SLCO4C1: variants seen among roughly 807,000 people sequenced by gnomAD.
SLCO4C1 encodes the protein organic anion transporter M1.
Under a neutral mutation model 72.1 loss-of-function variants are expected in SLCO4C1, and 58 were observed. That is an observed-to-expected ratio of 0.80 (90% CI 0.65 to 1.00). The LOEUF (loss-of-function observed/expected upper bound fraction) is 1.00, where lower values mean the gene tolerates loss of function less well. Ranked by LOEUF, SLCO4C1 falls within the 50% of genes least tolerant of loss-of-function variation. SLCO4C1 has a pLI of 0.00. For synonymous variants in SLCO4C1, 297 were observed against 312.5 expected, an observed-to-expected ratio of 0.95 and a Z score of 0.52; for missense variants, 898 against 857.9, an observed-to-expected ratio of 1.05 and a Z score of -0.58.
chr5:102,283,152 G>A (rs1442390536), intron 2 of SLCO4C1, among the ~76,000 whole-genome samples: 1 of 151,368 alleles, frequency 6.6e-6, no homozygotes, highest in Non-Finnish European at 1.5e-5. Flanking sequence ...AAAAGTGTTT[G>A]GTCAGACTTT....
At chr5:102,248,127 A>G (rs1443689646) in intron 9 of SLCO4C1, among the ~76,000 whole-genome samples, 1 of 151,524 alleles carries the variant, frequency 6.6e-6, no homozygotes, top group Admixed American at 6.6e-5. Context: ...AAACTTTACC[A>G]CTCTCATTTG....
intron 5 of SLCO4C1, 49 bp downstream of exon 5, chr5:102,261,863 G>A (rs1308997912): frequency 1.9e-6 from 3 of 1,545,794 alleles, no homozygotes; most frequent in South Asian, 1.3e-5. Flanking sequence ...AATAGCAACT[G>A]GCCTACAATT....
At chr5:102,262,429 G>C (rs1421568952) in intron 4 of SLCO4C1, among the ~76,000 whole-genome samples, 6 of 152,070 alleles carry the variant, frequency 3.9e-5, no homozygotes, top group Non-Finnish European at 7.4e-5. Context: ...GCTTCAATTA[G>C]AGCATTTCTT....
intron 10 of SLCO4C1, among the ~76,000 whole-genome samples, chr5:102,242,986 G>A (rs1434461070): frequency 6.6e-6 from 1 of 152,150 alleles, no homozygotes; most frequent in Non-Finnish European, 1.5e-5. Flanking sequence ...TGAAGGGTGA[G>A]TCCCAGCCCA....
chr5:102,270,431 C>T (rs1413400218), intron 3 of SLCO4C1, among the ~76,000 whole-genome samples, 193 bp downstream of exon 3: 1 of 151,982 alleles, frequency 6.6e-6, no homozygotes, highest in Non-Finnish European at 1.5e-5. Flanking sequence ...AGAGGATCAA[C>T]AAAAATCATT....
chr5:102,278,802 A>C (rs1749296150), intron 2 of SLCO4C1, among the ~76,000 whole-genome samples: 1 of 152,058 alleles, frequency 6.6e-6, no homozygotes, highest in Non-Finnish European at 1.5e-5. Context: ...TTAAGTAAAA[A>C]TGAAAACACA....
At chr5:102,252,307 T>C (rs1748754321) in intron 8 of SLCO4C1, among the ~76,000 whole-genome samples, 1 of 151,934 alleles carries the variant, frequency 6.6e-6, no homozygotes, top group Non-Finnish European at 1.5e-5. Context: ...AACAAGAAAG[T>C]CATGAAGAAA....
chr5:102,243,630 T>C (rs757227729), intron 10 of SLCO4C1, among the ~76,000 whole-genome samples: 3 of 152,132 alleles, frequency 2.0e-5, no homozygotes, highest in Non-Finnish European at 2.9e-5. Context: ...TGGCTACAAA[T>C]AAACCCAGAC....
Position 102,234,792 on chromosome 5 carries a change from G to A in SLCO4C1, c.*2066C>T, listed in dbSNP as rs1748403262. 8.8e-6 allele frequency: 1 copy of A among 113,854 alleles called. No individual in the cohort carries two copies. 7.1% of individuals were successfully genotyped at this position (113,854 alleles called of 1,614,324 possible). The stretch of plus-strand genomic sequence containing the variant: ...TGCTTCCACACAAAGGACAAAGAAA[G>A]CCTAAACTTTCCTTTTCCTTTTTTC... On this transcript the variant is annotated 3_prime_UTR_variant, in exon 13 of 13. Coordinates refer to ENST00000310954, the MANE Select transcript of SLCO4C1 (RefSeq NM_180991.5).
chr5:102,256,702 TTTCTC>T (rs1748841673), intron 8 of SLCO4C1, among the ~76,000 whole-genome samples: 1 of 152,250 alleles, frequency 6.6e-6, no homozygotes, highest in Non-Finnish European at 1.5e-5. Flanking sequence ...TTTATTCTAA[TTTCTC>T]TTCTTGTCTG....
At chr5:102,272,171 CAG>C (rs1749165334) in intron 2 of SLCO4C1, among the ~76,000 whole-genome samples, 3 of 152,116 alleles carry the variant, frequency 2.0e-5, no homozygotes, top group Non-Finnish European at 2.9e-5. Flanking sequence ...TGGGAGAAGA[CAG>C]AGATCCAGCA....
rs775961670 is a variant in SLCO4C1, at chr5:102,262,004, C to T, written c.929G>A (p.Trp310Ter). 1.2e-6 allele frequency: 2 copies of T among 1,613,002 alleles called. No individual in the cohort carries two copies. Among genetic ancestry groups the T allele is most frequent in the Non-Finnish European group, 1.7e-6 (2 of 1,179,368 alleles). ...STDVTEDDPR[W>*]LGAWWIGFLL... Reference sequence around the variant, plus strand: ...AAACCCAATCCACCAAGCTCCCAACCATCGCGGATCATCCTCAGTGACATC... The same window carrying T: ...AAACCCAATCCACCAAGCTCCCAACTATCGCGGATCATCCTCAGTGACATC... The change falls in exon 5 of 13, where the codon TGG becomes TAG. Residue 310 changes from tryptophan to a stop codon, truncating the protein, a stop_gained. Coordinates refer to ENST00000310954, the MANE Select transcript of SLCO4C1 (RefSeq NM_180991.5). LOFTEE classifies it high-confidence loss of function.
At position 102,234,548 on chromosome 5, in the gene SLCO4C1, T is replaced by A. The variant is rs1748399437; in HGVS notation, c.*2310A>T. 6.6e-6 allele frequency: 1 copy of A among 152,422 alleles called. No homozygotes were observed. Among genetic ancestry groups the A allele is most frequent in the South Asian group, 2.1e-4 (1 of 4,830 alleles). The allele number at this position is 152,422 out of a possible 1,614,324, so 9.4% of individuals were successfully genotyped here. A position where few individuals can be genotyped will look rare whatever the true frequency, so the allele number is the denominator to read the frequency against. On this transcript the variant is annotated 3_prime_UTR_variant, in exon 13 of 13. Coordinates refer to ENST00000310954, the MANE Select transcript of SLCO4C1 (RefSeq NM_180991.5). ...AAAATACAATGCAGCCCTTGATAGCTAAGAATCTTTATAAACGCCAATGAT... is the reference window on the plus strand; with the variant it reads ...AAAATACAATGCAGCCCTTGATAGCAAAGAATCTTTATAAACGCCAATGAT...
chr5:102,293,939 C>T (rs1433938467), intron 1 of SLCO4C1, among the ~76,000 whole-genome samples: 1 of 152,046 alleles, frequency 6.6e-6, no homozygotes, highest in Non-Finnish European at 1.5e-5. Context: ...GACAGAGTTT[C>T]CCTCTGTTGC....
intron 1 of SLCO4C1, among the ~76,000 whole-genome samples, chr5:102,294,212 A>AT (rs1190143534): frequency 2.0e-5 from 3 of 151,440 alleles, no homozygotes; most frequent in African/African-American, 7.3e-5. Context: ...CCCGGCCATA[A>AT]TTTTTTGTAT....
At chr5:102,242,877 G>T (rs1008637976) in intron 10 of SLCO4C1, among the ~76,000 whole-genome samples, 2 of 152,102 alleles carry the variant, frequency 1.3e-5, no homozygotes, top group Non-Finnish European at 2.9e-5. Context: ...ACTGCCCCGG[G>T]GGGTAGAGCA....
At chr5:102,261,849 A>G in intron 5 of SLCO4C1, 63 bp downstream of exon 5, 1 of 1,494,760 alleles carries the variant, frequency 6.7e-7, no homozygotes, top group Non-Finnish European at 9.0e-7. Context: ...TTAATCATAT[A>G]GAAAATAGCA....
In SLCO4C1 at chr5:102,291,510, T is replaced by C; in HGVS notation, c.452A>G (p.Tyr151Cys). The part of the protein sequence containing the change: ...SSLTGLISSS[Y>C]DISFCLLSLF... ...AGACAACAAACAGAATGAAATATCG[T>C]AGCTTGATGAAATCAGGCCAGTCAG... The change falls in exon 2 of 13, where the codon TAC becomes TGC. Residue 151 changes from tyrosine (Y) to cysteine (C), a missense_variant. Tyr to Cys is a radical substitution (Grantham distance 194). Transcript: ENST00000310954. The C allele has an allele frequency of 6.2e-7, 1 of 1,614,160 alleles. No individual in the cohort carries two copies. The highest frequency in any genetic ancestry group is 8.5e-7 in the Non-Finnish European group (1 of 1,180,018).
Position 102,234,893 on chromosome 5 carries a change from G to A in SLCO4C1, c.*1965C>T, listed in dbSNP as rs1337737154. On this transcript the variant is annotated 3_prime_UTR_variant, in exon 13 of 13. Transcript: ENST00000310954. The stretch of plus-strand genomic sequence containing the variant: ...AAGATTGTCAATTGAGGTATCATGT[G>A]TGTTCACCTGCCTCTCTTGCCCTAT... The A allele has an allele frequency of 1.3e-5, 2 of 152,174 alleles. No individual in the cohort carries two copies. The highest frequency in any genetic ancestry group is 2.4e-5 in the African/African-American group (1 of 41,434). 9.4% of individuals were successfully genotyped at this position (152,174 alleles called of 1,614,324 possible). A position where few individuals can be genotyped will look rare whatever the true frequency, so the allele number is the denominator to read the frequency against.
Sources: gnomAD v4.1 joint callset for allele counts (sites outside exome capture counted in the v4.1 genomes callset) on GRCh38, gnomAD v4.1.1 for gene constraint, MANE v1.5 for transcripts, NCBI Gene and HGNC (gene_info 2026-07-23, HGNC 2026-07-21) for gene names.